The following DLG2 variants were observed in gnomAD, a reference collection of about 807,000 sequenced individuals.
DLG2 encodes discs large MAGUK scaffold protein 2, also known as disks large homolog 2.
Under a neutral mutation model 132.5 loss-of-function variants are expected in DLG2, and 45 were observed. That is an observed-to-expected ratio of 0.34 (90% confidence interval 0.27 to 0.44). DLG2 has a LOEUF of 0.44. Ranked by LOEUF, DLG2 falls within the 20% of genes least tolerant of loss-of-function variation. The pLI is 1.00. For missense variants in DLG2, 1,045 were observed against 1,196.9 expected, an observed-to-expected ratio of 0.87 and a Z score of 1.87; for synonymous variants, 424 against 419.6, an observed-to-expected ratio of 1.01 and a Z score of -0.13.
At chr11:84,061,686 T>C (rs947021229) in intron 10 of DLG2, among the ~76,000 whole-genome samples, 2 of 152,294 alleles carry the variant, frequency 1.3e-5, no homozygotes, top group East Asian at 3.9e-4. Context: ...TGCATAACTT[T>C]TCTATACCTG....
At chr11:84,876,203 G>A (rs889230730) in intron 6 of DLG2, among the ~76,000 whole-genome samples, 7 of 152,172 alleles carry the variant, frequency 4.6e-5, no homozygotes, top group African/African-American at 1.7e-4. Context: ...CAAGCTGTGA[G>A]CTCCCTGTGT....
chr11:85,239,219 A>G (rs1395171712), intron 4 of DLG2, among the ~76,000 whole-genome samples: 1 of 152,064 alleles, frequency 6.6e-6, no homozygotes, highest in Non-Finnish European at 1.5e-5. Flanking sequence ...TAGCAACAAG[A>G]AGTTATTACA....
chr11:84,283,951 A>G (rs1322814394), intron 7 of DLG2, among the ~76,000 whole-genome samples: 1 of 152,184 alleles, frequency 6.6e-6, no homozygotes, highest in Admixed American at 6.5e-5. Context: ...ACAAAAAAAC[A>G]AAAAATGGTC....
chr11:85,584,683 T>TA (rs1248185305), intron 3 of DLG2, among the ~76,000 whole-genome samples: 7 of 152,078 alleles, frequency 4.6e-5, no homozygotes, highest in Admixed American at 4.6e-4. Context: ...ACTTTTTAAA[T>TA]ATGGCCATTC....
At chr11:84,378,338 G>C (rs2098737201) in intron 7 of DLG2, among the ~76,000 whole-genome samples, 1 of 152,072 alleles carries the variant, frequency 6.6e-6, no homozygotes, top group African/African-American at 2.4e-5. Flanking sequence ...CCATATACAA[G>C]CCAAGAAAAG....
chr11:85,276,071 T>C (rs2077872696), intron 4 of DLG2, among the ~76,000 whole-genome samples: 1 of 152,180 alleles, frequency 6.6e-6, no homozygotes, highest in Non-Finnish European at 1.5e-5. Flanking sequence ...CAACAATGTG[T>C]CAAGCTTGTA....
chr11:85,597,886 T>C (rs2079883410), intron 3 of DLG2, among the ~76,000 whole-genome samples: 1 of 149,942 alleles, frequency 6.7e-6, no homozygotes, highest in Admixed American at 6.7e-5. Context: ...TTTCATTGTT[T>C]AGTTAGTTGG....
At chr11:84,001,151 T>A (rs983352479) in intron 11 of DLG2, among the ~76,000 whole-genome samples, 2 of 151,954 alleles carry the variant, frequency 1.3e-5, no homozygotes, top group African/African-American at 2.4e-5. Context: ...ATAGACTGGC[T>A]GAAAGGTTAC....
chr11:83,715,095 G>A (rs778499613), intron 18 of DLG2, among the ~76,000 whole-genome samples: 7 of 152,118 alleles, frequency 4.6e-5, no homozygotes, highest in Non-Finnish European at 1.0e-4. Flanking sequence ...AAAAGGATGA[G>A]TTCATGTCCT....
At position 83,593,990 on chromosome 11, in the gene DLG2, G is replaced by A. The variant is rs568358665; in HGVS notation, c.1940+39221C>T. On this transcript the variant is annotated intron_variant, in intron 19 of 27. Coordinates refer to ENST00000376104, the MANE Select transcript of DLG2 (RefSeq NM_001142699.3). ...AAACCAAAAGTAAACCTAGGTAAGT[G>A]TAATAGCAAATAAAAGGTTAAAATG... Among the ~76,000 whole-genome samples the A allele has an allele frequency of 3.9e-5, 6 of 152,326 alleles. No individual in the cohort carries two copies. In the South Asian group the frequency reaches 1.2e-3, roughly 32 times the overall value.
intron 6 of DLG2, among the ~76,000 whole-genome samples, chr11:84,541,494 C>A (rs2099370383): frequency 6.6e-6 from 1 of 152,044 alleles, no homozygotes; most frequent in African/African-American, 2.4e-5. Flanking sequence ...GGTTGGAAAT[C>A]TGTATCTCTT....
At chr11:84,677,889 A>G (rs2099718071) in intron 6 of DLG2, among the ~76,000 whole-genome samples, 3 of 152,050 alleles carry the variant, frequency 2.0e-5, no homozygotes, top group Non-Finnish European at 4.4e-5. Flanking sequence ...ACTCTGTCTC[A>G]AAAATAATAG....
intron 14 of DLG2, among the ~76,000 whole-genome samples, chr11:83,955,923 T>C (rs1384666674): frequency 1.3e-5 from 2 of 152,168 alleles, no homozygotes; most frequent in African/African-American, 4.8e-5. Context: ...TTTTGAGATT[T>C]TGGGACTTGG....
intron 4 of DLG2, among the ~76,000 whole-genome samples, chr11:85,164,677 C>T (rs964627747): frequency 2.0e-5 from 3 of 151,916 alleles, no homozygotes; most frequent in Non-Finnish European, 2.9e-5. Context: ...ACAATAAAAC[C>T]GAATCATTTA....
chr11:85,042,251 A>T lies in DLG2; in HGVS notation c.357+69410T>A, dbSNP rs541685089. Among the ~76,000 whole-genome samples, 4 of 152,094 alleles carry T rather than the reference A, an allele frequency of 2.6e-5. No individual in the cohort carries two copies. The East Asian group carries it at 7.7e-4, about 29-fold the overall frequency. ...GTTTGAGAATTGTTGGCATATTCAT[A>T]GCACTGAAAACTATAAAAATAAATA... On this transcript the variant is annotated intron_variant, in intron 6 of 27. Transcript: ENST00000376104.
intron 3 of DLG2, among the ~76,000 whole-genome samples, chr11:85,288,153 T>C (rs1019941500): frequency 2.6e-5 from 4 of 152,066 alleles, no homozygotes; most frequent in Non-Finnish European, 5.9e-5. Flanking sequence ...ATAAATTGCA[T>C]ATATTATTTT....
intron 6 of DLG2, among the ~76,000 whole-genome samples, chr11:84,536,896 G>A (rs2099356794): frequency 6.6e-6 from 1 of 152,174 alleles, no homozygotes; most frequent in Non-Finnish European, 1.5e-5. Flanking sequence ...CTGGGCTATA[G>A]AAACAGCCTC....
intron 19 of DLG2, among the ~76,000 whole-genome samples, chr11:83,628,987 T>C (rs544364632): frequency 1.3e-5 from 2 of 152,324 alleles, no homozygotes; most frequent in South Asian, 4.1e-4. Context: ...TATGTGTATA[T>C]GTATTTACTG....
intron 3 of DLG2, among the ~76,000 whole-genome samples, chr11:85,348,474 C>T (rs2083032905): frequency 6.6e-6 from 1 of 151,962 alleles, no homozygotes; most frequent in East Asian, 1.9e-4. Flanking sequence ...CCGCCCGCCT[C>T]GACCTCTCAA....
Sources: gnomAD v4.1 joint callset for allele counts (sites outside exome capture counted in the v4.1 genomes callset) on GRCh38, gnomAD v4.1.1 for gene constraint, MANE v1.5 for transcripts, NCBI Gene and HGNC (gene_info 2026-07-23, HGNC 2026-07-21) for gene names.